Variants in FLT1 observed in about 807,000 individuals in gnomAD.
The protein encoded by FLT1 is fms related receptor tyrosine kinase 1, also known as vascular endothelial growth factor receptor 1.
Under a neutral mutation model 156.3 loss-of-function variants are expected in FLT1, and 49 were observed. The observed-to-expected ratio is 0.31, with a 90% CI of 0.25 to 0.40. The LOEUF (loss-of-function observed/expected upper bound fraction) is 0.40, where lower values mean the gene tolerates loss of function less well. FLT1 is among the 10% of genes least tolerant of loss of function. The pLI is 1.00. For synonymous variants in FLT1, 594 were observed against 583.8 expected (o/e 1.02, Z -0.25); for missense variants, 1,322 against 1,637.2 (o/e 0.81, Z 3.32).
chr13:28,407,315 C>T (rs910445417), intron 10 of FLT1, among the ~76,000 whole-genome samples: 4 of 152,116 alleles, frequency 2.6e-5, no homozygotes, highest in Admixed American at 6.5e-5. Flanking sequence ...CCCATATACC[C>T]GCCACCCAGA....
chr13:28,305,386 G>A (rs542285021), intron 29 of FLT1, among the ~76,000 whole-genome samples: 2 of 151,980 alleles, frequency 1.3e-5, no homozygotes, highest in South Asian at 2.1e-4. Flanking sequence ...AGCACACCCC[G>A]GCTAATTTCT....
At chr13:28,363,683 G>A (rs183149865) in intron 14 of FLT1, among the ~76,000 whole-genome samples, 211 of 151,348 alleles carry the variant, frequency 1.4e-3, no homozygotes, top group Non-Finnish European at 2.2e-3. Flanking sequence ...GTGCAATCTC[G>A]GTTCACTGCA....
At chr13:28,445,097 G>A (rs1593800193) in intron 3 of FLT1, among the ~76,000 whole-genome samples, 1 of 152,080 alleles carries the variant, frequency 6.6e-6, no homozygotes, top group Non-Finnish European at 1.5e-5. Flanking sequence ...CCAAAAGCTG[G>A]TTCTTTGAAA....
intron 1 of FLT1, among the ~76,000 whole-genome samples, chr13:28,487,052 G>C (rs576948742): frequency 6.5e-4 from 99 of 152,322 alleles, no homozygotes; most frequent in Non-Finnish European, 1.2e-3. Context: ...AGCCCACCAG[G>C]TGATTCTAAT....
intron 29 of FLT1, among the ~76,000 whole-genome samples, chr13:28,306,027 A>G (rs1352549127): frequency 6.6e-6 from 1 of 152,208 alleles, no homozygotes; most frequent in Non-Finnish European, 1.5e-5. Flanking sequence ...AAAGGAAGGA[A>G]CATCCGACAG....
chr13:28,396,928 G>A (rs1875084336), intron 12 of FLT1, 32 bp downstream of exon 12: 2 of 1,229,154 alleles, frequency 1.6e-6, no homozygotes, highest in Non-Finnish European at 2.4e-6. Context: ...GAAGTCACCA[G>A]GCTGTCTCTG....
chr13:28,313,425 C>T (rs1363323835), intron 25 of FLT1, among the ~76,000 whole-genome samples: 1 of 152,168 alleles, frequency 6.6e-6, no homozygotes, highest in Non-Finnish European at 1.5e-5. Context: ...TCTTCTTGAA[C>T]CTTGTGCTCT....
chr13:28,445,907 A>G lies in FLT1; in HGVS notation c.389-7562T>C, dbSNP rs116265626. Among the ~76,000 whole-genome samples, 210 of 152,320 alleles carry G rather than the reference A, an allele frequency of 1.4e-3. 2 individuals are homozygous for G. The highest frequency in any genetic ancestry group is 4.7e-3 in the African/African-American group (197 of 41,574). On this transcript the variant is annotated intron_variant, in intron 3 of 29. Transcript: ENST00000282397. ...TACGAATATAGCTGCAAAAAACTCA[A>G]TAAAGTACTAGCAAACTGAATTCAG...
At chr13:28,416,544 A>G (rs1876658442) in intron 10 of FLT1, among the ~76,000 whole-genome samples, 1 of 152,182 alleles carries the variant, frequency 6.6e-6, no homozygotes, top group Admixed American at 6.5e-5. Flanking sequence ...CAAACTCTCT[A>G]CCTGATCTGG....
At chr13:28,308,562 A>G (rs539216880) in intron 28 of FLT1, 1 of 436,636 alleles carries the variant, frequency 2.3e-6, no homozygotes, top group African/African-American at 2.0e-5. Context: ...TGCATCACTG[A>G]CAGCTAAGCA....
intron 10 of FLT1, among the ~76,000 whole-genome samples, chr13:28,412,712 T>C (rs1381428048): frequency 1.4e-5 from 2 of 144,206 alleles, no homozygotes; most frequent in Admixed American, 7.0e-5. Flanking sequence ...TGAGGCAACA[T>C]CCCAGGCCCC....
At chr13:28,464,339 A>T (rs1412701048) in intron 3 of FLT1, among the ~76,000 whole-genome samples, 1 of 152,246 alleles carries the variant, frequency 6.6e-6, no homozygotes, top group South Asian at 2.1e-4. Context: ...GTTGTGGACT[A>T]TTACAGGAAG....
chr13:28,454,400 T>C (rs985092677), intron 3 of FLT1, among the ~76,000 whole-genome samples: 3 of 152,218 alleles, frequency 2.0e-5, no homozygotes, highest in African/African-American at 7.2e-5. Context: ...ATATAGTGCA[T>C]ACTATACACC....
chr13:28,390,293 G>A (rs1484249835), intron 12 of FLT1, among the ~76,000 whole-genome samples, 189 bp from the exon 13 acceptor site: 1 of 152,222 alleles, frequency 6.6e-6, no homozygotes, highest in African/African-American at 2.4e-5. Flanking sequence ...CAGAAGTGAG[G>A]TAGGAAATGC....
At chr13:28,442,756 G>A (rs1335456461) in intron 3 of FLT1, among the ~76,000 whole-genome samples, 1 of 150,892 alleles carries the variant, frequency 6.6e-6, no homozygotes, top group African/African-American at 2.5e-5. Flanking sequence ...AATACTCTCT[G>A]GGCTTATTAA....
intron 14 of FLT1, among the ~76,000 whole-genome samples, chr13:28,372,019 G>GGTGTGTGTGT (rs142534765): frequency 1.2e-3 from 29 of 24,742 alleles, no homozygotes; most frequent in South Asian, 2.2e-3. Context: ...ATAAATCATT[G>GGTGTGTGTGT]GTGTGTGTGT....
intron 14 of FLT1, among the ~76,000 whole-genome samples, chr13:28,372,076 A>ATATATATTTTTTTTTTT (rs1257431752): frequency 8.5e-5 from 1 of 11,760 alleles, no homozygotes; most frequent in African/African-American, 3.2e-4. Flanking sequence ...ATATATATAT[A>ATATATATTTTTTTTTTT]TTTTTTTTTT....
At position 28,329,498 on chromosome 13, in the gene FLT1, G is replaced by T; in HGVS notation, c.2707+117C>A. ...CTGTTTCTTCTAGAGCTATTAGGGA[G>T]GCCGTTTTCCTGGAGGCGAGGAAGC... On this transcript the variant is annotated intron_variant, in intron 19 of 29. Transcript: ENST00000282397. 5.4e-6 allele frequency: 4 copies of T among 741,724 alleles called. No homozygotes were observed. The East Asian group carries it at 7.9e-5, about 15-fold the overall frequency. 45.9% of individuals were successfully genotyped at this position (741,724 alleles called of 1,614,324 possible).
intron 10 of FLT1, among the ~76,000 whole-genome samples, chr13:28,412,332 T>TTTCTTTCTTTCTTTC (rs1566012828): frequency 1.5e-4 from 8 of 54,166 alleles, no homozygotes; most frequent in African/African-American, 3.7e-4. Flanking sequence ...TTTCTTTCTT[T>TTTCTTTCTTTCTTTC]TCTTTCTTTC....
Sources: allele counts gnomAD v4.1 joint callset (sites outside exome capture counted in the v4.1 genomes callset), GRCh38; gene constraint gnomAD v4.1.1; transcripts MANE v1.5; gene names NCBI Gene and HGNC (gene_info 2026-07-23, HGNC 2026-07-21).